FRMD4A: variants seen among roughly 807,000 people sequenced by gnomAD.
FRMD4A encodes the protein FERM domain containing 4A, also known as FERM domain-containing protein 4A.
A neutral mutation model predicts 129.1 loss-of-function variants in FRMD4A; 29 were observed. The ratio of observed to expected loss-of-function variants is 0.22; its 90% CI spans 0.17 to 0.31. The LOEUF is 0.31. Ranked by LOEUF, FRMD4A falls within the 10% of genes least tolerant of loss-of-function variation. FRMD4A has a pLI of 1.00. For synonymous variants in FRMD4A, 634 were observed against 571.6 expected (o/e 1.11, Z -1.56); for missense variants, 1,272 against 1,375.8 (o/e 0.92, Z 1.19).
chr10:14,305,566 T>C (rs1846321907), intron 2 of FRMD4A, among the ~76,000 whole-genome samples: 1 of 152,140 alleles, frequency 6.6e-6, no homozygotes, highest in Non-Finnish European at 1.5e-5. Context: ...CCAGATGGTG[T>C]CTCTGTTGGA....
chr10:13,893,466 T>C (rs557626058), intron 2 of FRMD4A, among the ~76,000 whole-genome samples: 1 of 152,328 alleles, frequency 6.6e-6, no homozygotes, highest in Admixed American at 6.5e-5. Context: ...CTAGTCCTGA[T>C]TTGTTTTGAC....
chr10:13,994,281 G>A (rs887878211), intron 2 of FRMD4A, among the ~76,000 whole-genome samples: 2 of 149,334 alleles, frequency 1.3e-5, no homozygotes, highest in African/African-American at 2.5e-5. Flanking sequence ...CCGGGTTCAA[G>A]CAATTCCCCT....
At chr10:13,866,871 C>T (rs183964983) in intron 2 of FRMD4A, among the ~76,000 whole-genome samples, 1 of 152,224 alleles carries the variant, frequency 6.6e-6, no homozygotes, top group African/African-American at 2.4e-5. Flanking sequence ...TCACTTGAAC[C>T]TGGGAGGCGG....
intron 12 of FRMD4A, chr10:13,710,594 C>A (rs2087920335): frequency 6.6e-6 from 1 of 152,224 alleles, no homozygotes; most frequent in Non-Finnish European, 1.5e-5. Context: ...CAATGGATTC[C>A]CCCTGATGCT....
chr10:13,980,655 G>A (rs1428888552), intron 2 of FRMD4A, among the ~76,000 whole-genome samples: 1 of 152,172 alleles, frequency 6.6e-6, no homozygotes, highest in Non-Finnish European at 1.5e-5. Flanking sequence ...GGGAGTGAGA[G>A]GCTACAGTGA....
chr10:14,308,952 A>C (rs565964032), intron 2 of FRMD4A, among the ~76,000 whole-genome samples: 32 of 152,356 alleles, frequency 2.1e-4, no homozygotes, highest in African/African-American at 7.7e-4. Flanking sequence ...ATGCATTTTT[A>C]AATGTACCTG....
At chr10:13,984,154 G>A (rs1034042244) in intron 2 of FRMD4A, among the ~76,000 whole-genome samples, 3 of 152,128 alleles carry the variant, frequency 2.0e-5, no homozygotes, top group African/African-American at 7.2e-5. Flanking sequence ...GGGCACGCCA[G>A]CTCCTTCAGC....
At chr10:14,088,939 G>C (rs1223133945) in intron 2 of FRMD4A, among the ~76,000 whole-genome samples, 1 of 152,150 alleles carries the variant, frequency 6.6e-6, no homozygotes, top group Non-Finnish European at 1.5e-5. Context: ...GGGACCAGGG[G>C]TGTGGCTGGA....
At chr10:14,237,714 G>A (rs1239498203) in intron 2 of FRMD4A, among the ~76,000 whole-genome samples, 1 of 152,176 alleles carries the variant, frequency 6.6e-6, no homozygotes, top group Non-Finnish European at 1.5e-5. Context: ...GCTGTTGCTA[G>A]GACCAAATAA....
chr10:13,656,718 C>T lies in FRMD4A; in HGVS notation c.2871G>A (p.Ser957=), dbSNP rs1281630942. The change falls in exon 22 of 25, where the codon TCG becomes TCA. Residue 957 remains serine (S), a synonymous_variant. Transcript: ENST00000357447. ...HTSSTSSDSG[S]QYSTSSQSTF... is the part of the protein sequence containing the mutation. ...TGCTCTGGGAGGAGGTGCTGTACTG[C>T]GAGCCGCTGTCCGAGGAGGTGGAGC... is the stretch of plus-strand genomic sequence containing the variant. 5.7e-6 allele frequency: 9 copies of T among 1,586,806 alleles called. No homozygotes were observed. The highest frequency in any genetic ancestry group is 2.3e-5 in the South Asian group (2 of 87,572).
intron 8 of FRMD4A, among the ~76,000 whole-genome samples, chr10:13,748,166 TC>T (rs1409125647): frequency 6.6e-6 from 1 of 151,582 alleles, no homozygotes; most frequent in Non-Finnish European, 1.5e-5. Flanking sequence ...TCCCCAGGGG[TC>T]CCCCAGGGCA....
At chr10:13,967,152 C>T (rs1000059856) in intron 2 of FRMD4A, among the ~76,000 whole-genome samples, 2 of 152,138 alleles carry the variant, frequency 1.3e-5, no homozygotes, top group East Asian at 1.9e-4. Context: ...CTGGCTAACA[C>T]GGTGAAACCC....
intron 2 of FRMD4A, among the ~76,000 whole-genome samples, chr10:13,875,651 C>A (rs888769012): frequency 9.7e-4 from 147 of 152,196 alleles, no homozygotes; most frequent in African/African-American, 3.3e-3. Flanking sequence ...ATATTTTATA[C>A]AAGAAAATGA....
intron 2 of FRMD4A, among the ~76,000 whole-genome samples, chr10:14,327,475 A>G (rs2132129024): frequency 6.6e-6 from 1 of 152,362 alleles, no homozygotes; most frequent in East Asian, 1.9e-4. Context: ...CAGTTAGCAA[A>G]TGGCATCACC....
At chr10:13,952,064 T>C (rs991555185) in intron 2 of FRMD4A, among the ~76,000 whole-genome samples, 1 of 151,148 alleles carries the variant, frequency 6.6e-6, no homozygotes, top group Non-Finnish European at 1.5e-5. Flanking sequence ...CAGAGCCAAT[T>C]AAATCCAGTT....
intron 2 of FRMD4A, among the ~76,000 whole-genome samples, chr10:14,194,260 G>T (rs140842075): frequency 6.6e-6 from 1 of 151,962 alleles, no homozygotes; most frequent in Admixed American, 6.6e-5. Flanking sequence ...TCATTCACTC[G>T]TCAGCCCTAC....
intron 2 of FRMD4A, among the ~76,000 whole-genome samples, chr10:14,103,933 T>A (rs192098536): frequency 7.4e-4 from 113 of 152,312 alleles, no homozygotes; most frequent in African/African-American, 2.5e-3. Flanking sequence ...CTAAAAGAAT[T>A]ACGTACCGTC....
At chr10:13,812,144 G>C (rs752779234) in intron 3 of FRMD4A, among the ~76,000 whole-genome samples, 1 of 152,184 alleles carries the variant, frequency 6.6e-6, no homozygotes, top group Non-Finnish European at 1.5e-5. Flanking sequence ...GCCTCCCAGT[G>C]TTGGGATTAC....
intron 2 of FRMD4A, among the ~76,000 whole-genome samples, chr10:13,951,353 T>A (rs2095369243): frequency 6.6e-6 from 1 of 152,076 alleles, no homozygotes; most frequent in Non-Finnish European, 1.5e-5. Context: ...CTTGGGATCG[T>A]AGCAGGCTTG....
Sources: gnomAD v4.1 joint callset for allele counts (sites outside exome capture counted in the v4.1 genomes callset) on GRCh38, gnomAD v4.1.1 for gene constraint, MANE v1.5 for transcripts, NCBI Gene and HGNC (gene_info 2026-07-23, HGNC 2026-07-21) for gene names.